TBC1D9: variants seen among roughly 807,000 people sequenced by gnomAD.
The protein encoded by TBC1D9 is TBC1 domain family member 9, also known as TBC1 domain family member 9A.
TBC1D9 carries 63 observed loss-of-function variants against 132.0 expected under a neutral mutation model. That is an observed-to-expected ratio of 0.48 (90% CI 0.39 to 0.59). The LOEUF is 0.59. Among genes scored for constraint, TBC1D9 ranks in the 20% least tolerant of loss-of-function variants. The probability of loss-of-function intolerance (pLI) is 0.00; values close to 1 mark genes in which losing one functional copy is unlikely to be tolerated. For synonymous variants in TBC1D9, 610 were observed against 609.9 expected (o/e 1.00, Z 0.00); for missense variants, 1,261 against 1,592.7 (o/e 0.79, Z 3.54).
chr4:140,746,715 G>C (rs896829702), intron 1 of TBC1D9, among the ~76,000 whole-genome samples: 1 of 152,130 alleles, frequency 6.6e-6, no homozygotes, highest in Non-Finnish European at 1.5e-5. Flanking sequence ...ATCAGATCTC[G>C]TGAGACTTAT....
In TBC1D9 at chr4:140,633,663, A is replaced by G. The variant is rs933125369; in HGVS notation, c.2746+285T>C. Among the ~76,000 whole-genome samples the G allele has an allele frequency of 4.6e-5, 7 of 152,066 alleles. No homozygotes were observed. In the South Asian group the frequency reaches 1.2e-3, roughly 27 times the overall value. ...TTTGTCAAATAGTAGTAATCCACCAACCCAAACATTTGTCTCTTGTAAAAC... is the reference window on the plus strand; with the variant it reads ...TTTGTCAAATAGTAGTAATCCACCAGCCCAAACATTTGTCTCTTGTAAAAC... On this transcript the variant is annotated intron_variant, in intron 16 of 20. Transcript: ENST00000442267.
At chr4:140,700,151 T>A (rs534006459) in intron 2 of TBC1D9, among the ~76,000 whole-genome samples, 3 of 145,790 alleles carry the variant, frequency 2.1e-5, no homozygotes, top group South Asian at 4.4e-4. Flanking sequence ...GAAATTATAT[T>A]AAAAAAAAAA....
chr4:140,670,203 C>CA (rs1737514138), intron 7 of TBC1D9, among the ~76,000 whole-genome samples: 2 of 152,138 alleles, frequency 1.3e-5, no homozygotes, highest in South Asian at 4.2e-4. Context: ...TGAACAGAGA[C>CA]AGAGATGTTA....
intron 16 of TBC1D9, among the ~76,000 whole-genome samples, chr4:140,633,516 C>T (rs981700808): frequency 9.9e-5 from 15 of 151,964 alleles, no homozygotes; most frequent in African/African-American, 2.9e-4. Context: ...TGCTGTGATG[C>T]TCCTTTATTA....
At chr4:140,624,788 A>G (rs916980191) in intron 18 of TBC1D9, among the ~76,000 whole-genome samples, 5 of 152,204 alleles carry the variant, frequency 3.3e-5, no homozygotes, top group Non-Finnish European at 7.3e-5. Context: ...AGCGTGGCTC[A>G]TGCCTGTAAT....
In TBC1D9 at chr4:140,657,223, A is replaced by C; in HGVS notation, c.2211T>G (p.Tyr737Ter). The C allele has an allele frequency of 1.2e-6, 2 of 1,613,264 alleles. No homozygotes were observed. The highest frequency in any genetic ancestry group is 1.7e-6 in the Non-Finnish European group (2 of 1,179,680). ...TGTCTTTATTGGTCACACTGTCTAA[A>C]TACCTGGAAGAAGAATGCATCAGAA... ...DGEAMTVLGR[Y>*]LDSVTNKDST... The change falls in exon 13 of 21, where the codon TAT becomes TAG. Residue 737 changes from tyrosine (Y) to a stop codon, truncating the protein, a stop_gained. Transcript: ENST00000442267. LOFTEE classifies it high-confidence loss of function.
intron 4 of TBC1D9, 51 bp downstream of exon 4, chr4:140,679,564 A>G: frequency 1.5e-6 from 2 of 1,373,048 alleles, no homozygotes; most frequent in South Asian, 2.5e-5. Flanking sequence ...AGTTCAGGGC[A>G]AACCTCAGTA....
intron 13 of TBC1D9, among the ~76,000 whole-genome samples, chr4:140,652,046 C>G (rs1249126110): frequency 6.6e-6 from 1 of 152,044 alleles, no homozygotes; most frequent in Non-Finnish European, 1.5e-5. Flanking sequence ...CGAGATCAAC[C>G]TAGCCAACTT....
intron 1 of TBC1D9, among the ~76,000 whole-genome samples, chr4:140,733,480 T>C (rs1484672303): frequency 2.0e-5 from 3 of 152,172 alleles, no homozygotes; most frequent in Non-Finnish European, 4.4e-5. Flanking sequence ...TGCCTAGACC[T>C]CCATTTTCCC....
chr4:140,668,386 A>T (rs1737480848), intron 9 of TBC1D9, among the ~76,000 whole-genome samples: 1 of 152,198 alleles, frequency 6.6e-6, no homozygotes, highest in Admixed American at 6.5e-5. Flanking sequence ...TGATCTGAGT[A>T]AGCTTTTATT....
chr4:140,661,286 G>T (rs72947330), intron 10 of TBC1D9, among the ~76,000 whole-genome samples: 1 of 152,114 alleles, frequency 6.6e-6, no homozygotes, highest in African/African-American at 2.4e-5. Context: ...CAGTACAAGA[G>T]ATGACTTTTG....
At chr4:140,627,374 C>G (rs890767027) in intron 18 of TBC1D9, 67 bp downstream of exon 18, 2 of 1,021,160 alleles carry the variant, frequency 2.0e-6, no homozygotes, top group Admixed American at 2.1e-5. Flanking sequence ...GGAGGCAAGT[C>G]TTTTTCCAAT....
At chr4:140,707,052 A>G (rs1419230708) in intron 1 of TBC1D9, among the ~76,000 whole-genome samples, 1 of 152,250 alleles carries the variant, frequency 6.6e-6, no homozygotes, top group East Asian at 1.9e-4. Context: ...ATATTACAAA[A>G]TTGCTCTCTA....
intron 13 of TBC1D9, among the ~76,000 whole-genome samples, chr4:140,650,033 G>T (rs549161047): frequency 6.6e-6 from 1 of 152,300 alleles, no homozygotes; most frequent in South Asian, 2.1e-4. Flanking sequence ...CTACCAGAAA[G>T]GGCTAGAGAA....
chr4:140,754,447 A>C (rs2111089683), intron 1 of TBC1D9, among the ~76,000 whole-genome samples: 1 of 151,810 alleles, frequency 6.6e-6, no homozygotes, highest in South Asian at 2.1e-4. Context: ...AACCCCATCT[A>C]TTAAAAATAC....
intron 10 of TBC1D9, among the ~76,000 whole-genome samples, chr4:140,660,733 G>C (rs1037611265): frequency 6.6e-6 from 1 of 152,144 alleles, no homozygotes; most frequent in Non-Finnish European, 1.5e-5. Flanking sequence ...AAGATGAAAA[G>C]GTTAACTAGT....
chr4:140,628,021 T>A (rs778353016), intron 17 of TBC1D9, among the ~76,000 whole-genome samples: 3 of 152,240 alleles, frequency 2.0e-5, no homozygotes, highest in Non-Finnish European at 4.4e-5. Context: ...ACAATCCTTG[T>A]ATCCCAGGTG....
In TBC1D9 at chr4:140,755,821, G is replaced by T; in HGVS notation, c.130+95C>A. ...CAGGGCGGGTCGCCCAGCCCCAGGG[G>T]ACCGGGCGGCGTCTCCCGAGCCTGC... On this transcript the variant is annotated intron_variant, in intron 1 of 20. Transcript: ENST00000442267. 4 of 1,378,896 alleles carry T rather than the reference G, an allele frequency of 2.9e-6. No homozygotes were observed. The South Asian group carries it at 5.0e-5, about 17-fold the overall frequency. 85.4% of individuals were successfully genotyped at this position (1,378,896 alleles called of 1,614,324 possible). A position where few individuals can be genotyped will look rare whatever the true frequency, so the allele number is the denominator to read the frequency against.
intron 16 of TBC1D9, among the ~76,000 whole-genome samples, chr4:140,629,798 A>C (rs1414378904): frequency 2.6e-5 from 4 of 152,212 alleles, no homozygotes; most frequent in Admixed American, 2.6e-4. Context: ...TAATGATCAC[A>C]TGGTTAACTA....
Sources: gnomAD v4.1 joint callset for allele counts (sites outside exome capture counted in the v4.1 genomes callset) on GRCh38, gnomAD v4.1.1 for gene constraint, MANE v1.5 for transcripts, NCBI Gene and HGNC (gene_info 2026-07-23, HGNC 2026-07-21) for gene names.